PAFAH1B2: variants seen among roughly 807,000 people sequenced by gnomAD.
PAFAH1B2 encodes platelet-activating factor acetylhydrolase IB subunit alpha2.
In PAFAH1B2, 8 loss-of-function variants were observed where a neutral mutation model predicts 28.0. The observed-to-expected ratio is 0.29, with a 90% CI of 0.17 to 0.52. The LOEUF is 0.52. Ranked by LOEUF, PAFAH1B2 falls within the 20% of genes least tolerant of loss-of-function variation. The pLI is 0.97. For missense variants in PAFAH1B2, 190 were observed against 282.6 expected, an observed-to-expected ratio of 0.67 and a Z score of 2.35; for synonymous variants, 104 against 103.2, an observed-to-expected ratio of 1.01 and a Z score of -0.05.
chr11:117,153,034 C>A (rs964823194), intron 2 of PAFAH1B2, among the ~76,000 whole-genome samples: 1 of 152,102 alleles, frequency 6.6e-6, no homozygotes, highest in African/African-American at 2.4e-5. Flanking sequence ...CCACTGCACT[C>A]CAGCCTGGCA....
downstream of PAFAH1B2, chr11:117,171,753 T>G (rs1367956035): frequency 6.5e-7 from 1 of 1,534,286 alleles, no homozygotes; most frequent in Non-Finnish European, 8.7e-7. Flanking sequence ...TACAGTGAGT[T>G]GGTATGCCGG....
Position 117,170,366 on chromosome 11 carries a change from C to T in PAFAH1B2, c.*2667C>T. 9.4e-7 allele frequency: 1 copy of T among 1,059,424 alleles called. No homozygotes were observed. The highest frequency in any genetic ancestry group is 4.6e-5 in the South Asian group (1 of 21,744). 65.6% of individuals were successfully genotyped at this position (1,059,424 alleles called of 1,614,324 possible). A position where few individuals can be genotyped will look rare whatever the true frequency, so the allele number is the denominator to read the frequency against. ...GCATTCCTGCTATACTAGATGGCAG[C>T]CAGTGATGGAACTATAAAGATGTCT... On this transcript the variant is annotated 3_prime_UTR_variant, in exon 6 of 6. Coordinates refer to ENST00000527958, the MANE Select transcript of PAFAH1B2 (RefSeq NM_002572.4).
chr11:117,161,071 GCAA>G (rs774630871), intron 3 of PAFAH1B2, 71 bp from the exon 4 acceptor site: 1 of 900,794 alleles, frequency 1.1e-6, no homozygotes, highest in Non-Finnish European at 1.8e-6. Flanking sequence ...TTAATGCCTT[GCAA>G]CACATTGCAG....
intron 2 of PAFAH1B2, among the ~76,000 whole-genome samples, chr11:117,154,140 A>G (rs190819830): frequency 2.6e-5 from 4 of 152,010 alleles, no homozygotes; most frequent in Non-Finnish European, 5.9e-5. Context: ...AGTATACCAC[A>G]GTTGATTTGC....
intron 1 of PAFAH1B2, among the ~76,000 whole-genome samples, chr11:117,151,298 C>T (rs1432401224): frequency 7.2e-6 from 1 of 139,230 alleles, no homozygotes; most frequent in Non-Finnish European, 1.5e-5. Context: ...GGTGTGATTT[C>T]GGCTCACTGC....
downstream of PAFAH1B2, chr11:117,175,135 T>C (rs1452929882): frequency 1.5e-5 from 18 of 1,223,296 alleles, no homozygotes; most frequent in African/African-American, 3.1e-5. Context: ...ATAAGCCTTA[T>C]GGCCCCACCC....
In PAFAH1B2 at chr11:117,168,445, C is replaced by CTTTTTTT. The variant is rs1565274998; in HGVS notation, c.*746_*747insTTTTTTT. ...TTCCCCTTCATTCCCCCCGCCACCCCGTTTTTTTTTTTTTTTTTTTTTTTT... is the reference window on the plus strand; with the variant it reads ...TTCCCCTTCATTCCCCCCGCCACCCCTTTTTTTGTTTTTTTTTTTTTTTTTTTTTTTT... On this transcript the variant is annotated 3_prime_UTR_variant, in exon 6 of 6. Coordinates refer to ENST00000527958, the MANE Select transcript of PAFAH1B2 (RefSeq NM_002572.4). The CTTTTTTT allele has an allele frequency of 9.6e-5, 34 of 354,274 alleles. No homozygotes were observed. Among genetic ancestry groups the CTTTTTTT allele is most frequent in the Non-Finnish European group, 1.1e-4 (32 of 293,404 alleles). 21.9% of individuals were successfully genotyped at this position (354,274 alleles called of 1,614,324 possible).
Position 117,150,372 on chromosome 11 carries a change from ACTC to A in PAFAH1B2, c.-7-2066_-7-2064del, listed in dbSNP as rs141340314. On this transcript the variant is annotated intron_variant, in intron 1 of 5. Transcript: ENST00000527958. Reference sequence around the variant, plus strand: ...ACCATGTTGGCCAGGCTGGTCTTGAACTCCTGACCTCAAGCGATCCACCTGCTT... The same window carrying A: ...ACCATGTTGGCCAGGCTGGTCTTGAACTGACCTCAAGCGATCCACCTGCTT... 6.5e-3 allele frequency among the ~76,000 whole-genome samples: 965 copies of A among 148,906 alleles called. 6 individuals carry two copies. Among genetic ancestry groups the A allele is most frequent in the African/African-American group, 0.022 (905 of 40,500 alleles).
chr11:117,155,200 G>A (rs1163018651), intron 2 of PAFAH1B2, among the ~76,000 whole-genome samples: 1 of 151,616 alleles, frequency 6.6e-6, no homozygotes, highest in Non-Finnish European at 1.5e-5. Context: ...GGTGATCCAC[G>A]CACCTTAGCC....
At chr11:117,148,758 A>T (rs1033259176) in intron 1 of PAFAH1B2, among the ~76,000 whole-genome samples, 3 of 152,164 alleles carry the variant, frequency 2.0e-5, no homozygotes, top group African/African-American at 7.2e-5. Flanking sequence ...CCCTTCTCTT[A>T]TAATAATAAA....
At chr11:117,156,637 A>G (rs946319042) in intron 2 of PAFAH1B2, among the ~76,000 whole-genome samples, 7 of 152,196 alleles carry the variant, frequency 4.6e-5, no homozygotes, top group African/African-American at 1.7e-4. Flanking sequence ...TATTACAACT[A>G]TTACACTTTA....
chr11:117,170,536 T>C lies in PAFAH1B2; in HGVS notation c.*2837T>C. The C allele has an allele frequency of 9.5e-7, 1 of 1,057,662 alleles. No individual in the cohort carries two copies. Among genetic ancestry groups the C allele is most frequent in the South Asian group, 4.6e-5 (1 of 21,770 alleles). 65.5% of individuals were successfully genotyped at this position (1,057,662 alleles called of 1,614,324 possible). On this transcript the variant is annotated 3_prime_UTR_variant, in exon 6 of 6. Coordinates refer to ENST00000527958, the MANE Select transcript of PAFAH1B2 (RefSeq NM_002572.4). ...GGCTACTTGAACTGTCAGGGGCATC[T>C]GCCTAAACCAGAATCTTTTGTCAGA...
downstream of PAFAH1B2, among the ~76,000 whole-genome samples, chr11:117,172,367 TATATATATATATATATATATATATA>T (rs1565278553): frequency 1.5e-3 from 2 of 1,294 alleles, no homozygotes; most frequent in African/African-American, 5.6e-3. Flanking sequence ...TATATATATA[TATATATATATATATATATATATATA>T]TATATATATA....
At chr11:117,146,290 G>T (rs1437303473) in intron 1 of PAFAH1B2, among the ~76,000 whole-genome samples, 1 of 150,914 alleles carries the variant, frequency 6.6e-6, no homozygotes, top group Non-Finnish European at 1.5e-5. Context: ...ACGGGGTTTC[G>T]CCACGTTGGC....
chr11:117,150,989 GAAA>G (rs373735449), intron 1 of PAFAH1B2, among the ~76,000 whole-genome samples: 16 of 98,186 alleles, frequency 1.6e-4, no homozygotes, highest in African/African-American at 2.5e-4. Context: ...CTCCATCTCA[GAAA>G]AAAAAAAAAA....
chr11:117,168,783 C>G lies in PAFAH1B2; in HGVS notation c.*1084C>G, dbSNP rs1956579874. ...GTGTATATTTTATTTTTTTTATTGG[C>G]TTAGTTGTTTTTTGTTTTGTTTTGT... On this transcript the variant is annotated 3_prime_UTR_variant, in exon 6 of 6. Transcript: ENST00000527958. The G allele has an allele frequency of 4.0e-6, 4 of 988,928 alleles. No homozygotes were observed. The South Asian group carries it at 1.5e-4, about 36-fold the overall frequency. 61.3% of individuals were successfully genotyped at this position (988,928 alleles called of 1,614,324 possible).
Position 117,169,551 on chromosome 11 carries a change from A to G in PAFAH1B2, c.*1852A>G. On this transcript the variant is annotated 3_prime_UTR_variant, in exon 6 of 6. Coordinates refer to ENST00000527958, the MANE Select transcript of PAFAH1B2 (RefSeq NM_002572.4). ...TGATTGAGGGATGAACCTTGGGCTCATTTTTTTCTTGTGAAGTCTCTTTCT... is the reference window on the plus strand; with the variant it reads ...TGATTGAGGGATGAACCTTGGGCTCGTTTTTTTCTTGTGAAGTCTCTTTCT... 2 of 1,055,590 alleles carry G rather than the reference A, an allele frequency of 1.9e-6. No individual in the cohort carries two copies. Among genetic ancestry groups the G allele is most frequent in the Non-Finnish European group, 2.3e-6 (2 of 873,310 alleles). The allele number at this position is 1,055,590 out of a possible 1,614,324, so 65.4% of individuals were successfully genotyped here.
intron 2 of PAFAH1B2, among the ~76,000 whole-genome samples, chr11:117,154,428 T>A (rs886390294): frequency 3.9e-5 from 6 of 152,214 alleles, no homozygotes; most frequent in Admixed American, 1.3e-4. Flanking sequence ...ATTTTAAAAA[T>A]TTTTTTGGAG....
downstream of PAFAH1B2, among the ~76,000 whole-genome samples, chr11:117,172,660 C>A (rs1309047147): frequency 6.6e-6 from 1 of 151,966 alleles, no homozygotes; most frequent in Admixed American, 6.6e-5. Context: ...AGTTGGGAGC[C>A]CCCTATCTGG....
Sources: gnomAD v4.1 joint callset for allele counts (sites outside exome capture counted in the v4.1 genomes callset) on GRCh38, gnomAD v4.1.1 for gene constraint, MANE v1.5 for transcripts, NCBI Gene and HGNC (gene_info 2026-07-23, HGNC 2026-07-21) for gene names.